Variants in SORCS3 observed in about 807,000 individuals in gnomAD.
SORCS3 encodes the protein VPS10 domain-containing receptor SorCS3.
SORCS3 carries 57 observed loss-of-function variants against 146.3 expected under a neutral mutation model. That is an observed-to-expected ratio of 0.39 (90% CI 0.31 to 0.49). SORCS3 has a LOEUF of 0.49. SORCS3 is among the 20% of genes least tolerant of loss of function. The probability of loss-of-function intolerance (pLI) is 0.92; values close to 1 mark genes in which losing one functional copy is unlikely to be tolerated. For missense variants in SORCS3, 1,341 were observed against 1,575.5 expected, an observed-to-expected ratio of 0.85 and a Z score of 2.52; for synonymous variants, 653 against 618.5, an observed-to-expected ratio of 1.06 and a Z score of -0.83.
At chr10:104,689,362 C>T (rs575980940) in intron 1 of SORCS3, among the ~76,000 whole-genome samples, 3 of 152,334 alleles carry the variant, frequency 2.0e-5, no homozygotes, top group Admixed American at 1.3e-4. Flanking sequence ...GTTCTGCTTA[C>T]GTTGCCCATG....
In SORCS3 at chr10:105,087,289, A is replaced by T. The variant is rs1294724995; in HGVS notation, c.1029-2486A>T. Among the ~76,000 whole-genome samples, 16 of 152,216 alleles carry T rather than the reference A, an allele frequency of 1.1e-4. No individual in the cohort carries two copies. The East Asian group carries it at 2.7e-3, about 26-fold the overall frequency. On this transcript the variant is annotated intron_variant, in intron 5 of 26. Coordinates refer to ENST00000369701, the MANE Select transcript of SORCS3 (RefSeq NM_014978.3). ...TCTCTTCTGTTCCATTGTTCTATAT[A>T]TCTGTTTAGGTACCAGTAGCATGTT... is the stretch of plus-strand genomic sequence containing the variant.
At chr10:104,758,104 C>G (rs2017077200) in intron 1 of SORCS3, among the ~76,000 whole-genome samples, 3 of 152,134 alleles carry the variant, frequency 2.0e-5, no homozygotes, top group Non-Finnish European at 2.9e-5. Flanking sequence ...TGACTAAGCC[C>G]CAGCAATGAA....
intron 20 of SORCS3, among the ~76,000 whole-genome samples, chr10:105,226,096 G>T (rs144095737): frequency 6.6e-6 from 1 of 151,036 alleles, no homozygotes; most frequent in East Asian, 2.0e-4. Context: ...GTCCTATATT[G>T]AATAGGAGTG....
intron 5 of SORCS3, among the ~76,000 whole-genome samples, chr10:105,081,308 G>T (rs2055623785): frequency 6.6e-6 from 1 of 152,132 alleles, no homozygotes; most frequent in Admixed American, 6.5e-5. Flanking sequence ...AAACACAAAG[G>T]ATCTTGGTCC....
At chr10:104,746,269 T>G (rs1211120948) in intron 1 of SORCS3, among the ~76,000 whole-genome samples, 1 of 151,940 alleles carries the variant, frequency 6.6e-6, no homozygotes. Context: ...CCCCAGTAGC[T>G]GGGACTACAG....
intron 1 of SORCS3, among the ~76,000 whole-genome samples, chr10:104,681,330 C>T (rs1318739424): frequency 1.5e-4 from 1 of 6,714 alleles, no homozygotes; most frequent in Non-Finnish European, 7.0e-4. Flanking sequence ...CCGTCATCCT[C>T]CCCCGCCCGC....
At chr10:104,838,009 A>G (rs550422611) in intron 1 of SORCS3, among the ~76,000 whole-genome samples, 1 of 152,228 alleles carries the variant, frequency 6.6e-6, no homozygotes, top group African/African-American at 2.4e-5. Flanking sequence ...CTGTTTCTTT[A>G]TCTGTAAAAT....
chr10:105,105,262 G>A (rs1284017248), intron 6 of SORCS3, 135 bp from the exon 7 acceptor site: 1 of 582,040 alleles, frequency 1.7e-6, no homozygotes, highest in East Asian at 3.0e-5. Flanking sequence ...AAATTCTGTG[G>A]ACAAAAGCAT....
chr10:104,951,878 T>G (rs1371821244), intron 3 of SORCS3, among the ~76,000 whole-genome samples: 1 of 152,166 alleles, frequency 6.6e-6, no homozygotes, highest in Non-Finnish European at 1.5e-5. Flanking sequence ...TCCACTTTTG[T>G]GGGCTTAGCA....
intron 3 of SORCS3, among the ~76,000 whole-genome samples, chr10:104,954,886 A>G (rs2019470764): frequency 6.6e-6 from 1 of 152,184 alleles, no homozygotes; most frequent in Non-Finnish European, 1.5e-5. Context: ...ACTTAACATT[A>G]TCATCCTAGT....
intron 7 of SORCS3, among the ~76,000 whole-genome samples, chr10:105,128,696 C>T (rs1304957959): frequency 6.6e-6 from 1 of 152,082 alleles, no homozygotes; most frequent in Non-Finnish European, 1.5e-5. Flanking sequence ...GAAGCTACAT[C>T]GGCAAATTTC....
At chr10:105,245,917 G>C (rs1200716893) in intron 21 of SORCS3, among the ~76,000 whole-genome samples, 1 of 152,126 alleles carries the variant, frequency 6.6e-6, no homozygotes, top group African/African-American at 2.4e-5. Context: ...ATTAGACAAA[G>C]ACACGTATCA....
chr10:104,817,787 G>T (rs1437699899), intron 1 of SORCS3, among the ~76,000 whole-genome samples: 2 of 148,912 alleles, frequency 1.3e-5, no homozygotes, highest in East Asian at 4.0e-4. Flanking sequence ...AATCAGTCAG[G>T]GGGGATCAGT....
intron 5 of SORCS3, among the ~76,000 whole-genome samples, chr10:105,060,942 C>CAA (rs143519909): frequency 2.3e-4 from 31 of 136,456 alleles, no homozygotes; most frequent in African/African-American, 7.7e-4. Flanking sequence ...CGTCTTAAAA[C>CAA]AAAAAAAAAA....
chr10:104,939,529 C>T (rs1360915043), intron 3 of SORCS3, among the ~76,000 whole-genome samples: 4 of 106,708 alleles, frequency 3.7e-5, no homozygotes, highest in Non-Finnish European at 1.7e-5. Flanking sequence ...TTTAAGAGAA[C>T]GTCCAAATGG....
intron 3 of SORCS3, among the ~76,000 whole-genome samples, chr10:104,946,939 C>G (rs1402246707): frequency 6.6e-6 from 1 of 152,074 alleles, no homozygotes; most frequent in African/African-American, 2.4e-5. Flanking sequence ...GCAGATGTAG[C>G]AGGAATGGGG....
At chr10:104,813,398 G>A (rs1035556360) in intron 1 of SORCS3, among the ~76,000 whole-genome samples, 1 of 152,058 alleles carries the variant, frequency 6.6e-6, no homozygotes, top group Non-Finnish European at 1.5e-5. Context: ...TCACCCCTAC[G>A]ACTAGATTTT....
intron 5 of SORCS3, among the ~76,000 whole-genome samples, chr10:105,054,555 AG>A (rs2055433813): frequency 6.6e-6 from 1 of 151,712 alleles, no homozygotes; most frequent in African/African-American, 2.4e-5. Context: ...GATATTTTTA[AG>A]ATTTATAGGA....
At chr10:105,219,610 A>G (rs928569564) in intron 19 of SORCS3, among the ~76,000 whole-genome samples, 2 of 152,230 alleles carry the variant, frequency 1.3e-5, no homozygotes, top group African/African-American at 2.4e-5. Flanking sequence ...GGTCCATGTT[A>G]TCTTTTGGCA....
Sources: allele counts gnomAD v4.1 joint callset (sites outside exome capture counted in the v4.1 genomes callset), GRCh38; gene constraint gnomAD v4.1.1; transcripts MANE v1.5; gene names NCBI Gene and HGNC (gene_info 2026-07-23, HGNC 2026-07-21).